Variants in RUVBL1 observed in about 807,000 individuals in gnomAD.
RUVBL1 encodes RuvB like AAA ATPase 1.
A neutral mutation model predicts 52.4 loss-of-function variants in RUVBL1; 4 were observed. The ratio of observed to expected loss-of-function variants is 0.08; its 90% CI spans 0.04 to 0.17. The LOEUF is 0.17. Among genes scored for constraint, RUVBL1 ranks in the 10% least tolerant of loss-of-function variants. The probability of loss-of-function intolerance (pLI) is 1.00; values close to 1 mark genes in which losing one functional copy is unlikely to be tolerated. For missense variants in RUVBL1, 298 were observed against 572.8 expected (o/e 0.52, Z 4.90); for synonymous variants, 217 against 214.4 (o/e 1.01, Z -0.10).
chr3:128,065,173 G>A (rs1386426408), exon 10 of RUVBL1: 2 of 1,027,190 alleles, frequency 1.9e-6, no homozygotes, highest in Non-Finnish European at 3.1e-6. Flanking sequence ...TTTGAAGGCA[G>A]CAGGTTTCCA....
At chr3:128,106,707 GA>G (rs2107698597) in intron 3 of RUVBL1, among the ~76,000 whole-genome samples, 1 of 152,326 alleles carries the variant, frequency 6.6e-6, no homozygotes, top group African/African-American at 2.4e-5. Flanking sequence ...TAATACCCAA[GA>G]AACGAACCTG....
At chr3:128,076,221 AG>A (rs1942318387), downstream of RUVBL1, 1 of 152,200 alleles carries the variant, frequency 6.6e-6, no homozygotes, top group Non-Finnish European at 1.5e-5. The surrounding 1 kb of genome is among the most constrained non-coding windows in gnomAD (Gnocchi z 6.8). Flanking sequence ...GGCGCGGAGG[AG>A]GGGGGTGGGA....
chr3:128,107,909 TG>T (rs1168123061), intron 3 of RUVBL1, among the ~76,000 whole-genome samples: 1 of 152,204 alleles, frequency 6.6e-6, no homozygotes, highest in African/African-American at 2.4e-5. Context: ...GAATGTGGCA[TG>T]AAATTCCTCA....
intron 9 of RUVBL1, among the ~76,000 whole-genome samples, chr3:128,087,032 T>C (rs1942662987): frequency 6.6e-6 from 1 of 152,264 alleles, no homozygotes; most frequent in South Asian, 2.1e-4. Flanking sequence ...TCAGGTGCTC[T>C]TCTAAGCTGT....
intron 1 of RUVBL1, among the ~76,000 whole-genome samples, chr3:128,143,173 ATTT>A (rs35634913): frequency 1.4e-4 from 19 of 133,114 alleles, no homozygotes; most frequent in East Asian, 6.6e-4. Context: ...ACCCTTATCT[ATTT>A]TTTTTTTTTT....
intron 3 of RUVBL1, among the ~76,000 whole-genome samples, chr3:128,110,030 T>C (rs968273851): frequency 6.6e-6 from 1 of 152,104 alleles, no homozygotes; most frequent in Non-Finnish European, 1.5e-5. Context: ...TTGGCCAGCC[T>C]GGTCTCGAAC....
rs2107651324 is a variant in RUVBL1, at chr3:128,067,292, T to C, written c.940-2072A>G. ...CAAATTCAGCACATTAAATTATCTT[T>C]TCAGTAAAAAAATTGTACTGTGGGC... On this transcript the variant is annotated intron_variant, in intron 9 of 9. Coordinates refer to the RUVBL1 transcript ENST00000464873. This position sits in a 1 kb window ranked among gnomAD's most constrained non-coding sequence, Gnocchi z 4.1. 2.3e-6 allele frequency: 3 copies of C among 1,295,504 alleles called. No individual in the cohort carries two copies. Among genetic ancestry groups the C allele is most frequent in the Non-Finnish European group, 3.2e-6 (3 of 927,778 alleles). The allele number at this position is 1,295,504 out of a possible 1,614,324, so 80.3% of individuals were successfully genotyped here. A position where few individuals can be genotyped will look rare whatever the true frequency, so the allele number is the denominator to read the frequency against.
At chr3:128,151,282 G>C (rs1454152895) in intron 1 of RUVBL1, among the ~76,000 whole-genome samples, 1 of 137,794 alleles carries the variant, frequency 7.3e-6, no homozygotes, top group Non-Finnish European at 1.5e-5. Flanking sequence ...TCTATATATA[G>C]ATATATAAAC....
chr3:128,126,831 C>T (rs1015185688), upstream of RUVBL1, among the ~76,000 whole-genome samples: 5 of 152,246 alleles, frequency 3.3e-5, no homozygotes, highest in Non-Finnish European at 7.3e-5. Flanking sequence ...GTCCATCCCA[C>T]TTCTGCGCAC....
In RUVBL1 at chr3:128,112,869, CA is replaced by C; in HGVS notation, c.361+18del. 6.2e-7 allele frequency: 1 copy of C among 1,611,234 alleles called. No individual in the cohort carries two copies. Among genetic ancestry groups the C allele is most frequent in the Non-Finnish European group, 8.5e-7 (1 of 1,178,960 alleles). ...CAGGAAGTGAGACCAACTCCTCCCA[CA>C]AATGTGACACTACTTACCAATGGCC... is the stretch of plus-strand genomic sequence containing the variant. On this transcript the variant is annotated intron_variant, in intron 3 of 10. Coordinates refer to ENST00000322623, the MANE Select transcript of RUVBL1 (RefSeq NM_003707.3).
At position 128,067,157 on chromosome 3, in the gene RUVBL1, T is replaced by A. The variant is rs747337054; in HGVS notation, c.940-1937A>T. 3.1e-6 allele frequency: 5 copies of A among 1,613,840 alleles called. No individual in the cohort carries two copies. In the South Asian group the frequency reaches 5.5e-5, roughly 18 times the overall value. On this transcript the variant is annotated intron_variant, in intron 9 of 9. Coordinates refer to the RUVBL1 transcript ENST00000464873. This position sits in a 1 kb window ranked among gnomAD's most constrained non-coding sequence, Gnocchi z 4.1. ...GCCTGCTGGGCACCTGGTCGGTAAG[T>A]AGGCTCTTTGAAGATGAGCTAGCAA...
At chr3:128,120,037 T>C (rs1276274042) in intron 1 of RUVBL1, among the ~76,000 whole-genome samples, 1 of 152,242 alleles carries the variant, frequency 6.6e-6, no homozygotes, top group Non-Finnish European at 1.5e-5. Context: ...TTTTAAAAGA[T>C]GGTGCTAGCT....
chr3:128,101,471 C>T, intron 5 of RUVBL1, 88 bp downstream of exon 5: 1 of 1,240,210 alleles, frequency 8.1e-7, no homozygotes, highest in Non-Finnish European at 1.2e-6. Context: ...ACACCCCACA[C>T]CCTCTGAAGA....
chr3:128,104,700 G>C, intron 4 of RUVBL1, 73 bp downstream of exon 4: 4 of 1,372,072 alleles, frequency 2.9e-6, no homozygotes, highest in Non-Finnish European at 4.0e-6. Flanking sequence ...GATGCAGAGA[G>C]GTTACACCAC....
At chr3:128,074,842 C>CAAAAAAAAAAAAAAA (rs386397876) in intron 9 of RUVBL1, among the ~76,000 whole-genome samples, 3 of 72,796 alleles carry the variant, frequency 4.1e-5, no homozygotes, top group African/African-American at 4.9e-5. Context: ...AACTCCGTCT[C>CAAAAAAAAAAAAAAA]AAAAAAAAAA....
intron 1 of RUVBL1, among the ~76,000 whole-genome samples, chr3:128,144,877 C>T (rs920111396): frequency 3.0e-4 from 46 of 152,204 alleles, no homozygotes; most frequent in African/African-American, 1.1e-3. Context: ...ATGACCCACA[C>T]CTGGCTAGGC....
intron 8 of RUVBL1, among the ~76,000 whole-genome samples, chr3:128,094,341 G>T (rs571960043): frequency 6.6e-6 from 1 of 152,210 alleles, no homozygotes; most frequent in African/African-American, 2.4e-5. Context: ...AGGGAGGGGT[G>T]AGCGGCAAGA....
chr3:128,096,343 T>C (rs1485682433), intron 8 of RUVBL1, among the ~76,000 whole-genome samples: 1 of 151,950 alleles, frequency 6.6e-6, no homozygotes, highest in Non-Finnish European at 1.5e-5. Flanking sequence ...GGAGAGTGCT[T>C]AGGAGAAAAA....
At chr3:128,118,641 G>A (rs1943578405) in intron 2 of RUVBL1, among the ~76,000 whole-genome samples, 1 of 152,150 alleles carries the variant, frequency 6.6e-6, no homozygotes, top group Admixed American at 6.5e-5. Context: ...GCCACACGGT[G>A]TCCTCTGCCT....
Sources: allele counts gnomAD v4.1 joint callset (sites outside exome capture counted in the v4.1 genomes callset), GRCh38; gene constraint gnomAD v4.1.1; non-coding constraint Gnocchi (gnomAD v3.1); transcripts MANE v1.5; gene names NCBI Gene and HGNC (gene_info 2026-07-23, HGNC 2026-07-21).